The following DLG2 variants were observed in gnomAD, a reference collection of about 807,000 sequenced individuals.
DLG2 encodes the protein discs large MAGUK scaffold protein 2, also known as disks large homolog 2.
DLG2 carries 45 observed loss-of-function variants against 132.5 expected under a neutral mutation model. The ratio of observed to expected loss-of-function variants is 0.34; its 90% CI spans 0.27 to 0.44. The LOEUF is 0.44. DLG2 is among the 20% of genes least tolerant of loss of function. The pLI is 1.00. For missense variants in DLG2, 1,045 were observed against 1,196.9 expected, an observed-to-expected ratio of 0.87 and a Z score of 1.87; for synonymous variants, 424 against 419.6, an observed-to-expected ratio of 1.01 and a Z score of -0.13.
At chr11:84,481,532 G>C (rs965181800) in intron 7 of DLG2, among the ~76,000 whole-genome samples, 1 of 152,104 alleles carries the variant, frequency 6.6e-6, no homozygotes, top group Non-Finnish European at 1.5e-5. Flanking sequence ...AGGGCCATAC[G>C]TAGTATCACA....
chr11:84,812,598 A>G (rs567052203), intron 6 of DLG2, among the ~76,000 whole-genome samples: 4 of 152,286 alleles, frequency 2.6e-5, no homozygotes, highest in Admixed American at 2.0e-4. Context: ...ATAGCAACGT[A>G]GGAATCTTTA....
chr11:85,481,107 T>C (rs1249608884), intron 3 of DLG2, among the ~76,000 whole-genome samples: 2 of 152,338 alleles, frequency 1.3e-5, no homozygotes, highest in South Asian at 2.1e-4. Flanking sequence ...ACTTTCTTCA[T>C]ATGTAAAATC....
At chr11:84,634,930 A>C (rs2099638087) in intron 6 of DLG2, among the ~76,000 whole-genome samples, 1 of 152,174 alleles carries the variant, frequency 6.6e-6, no homozygotes, top group African/African-American at 2.4e-5. Context: ...CAAGGTCAAC[A>C]AGGAAATGGA....
intron 4 of DLG2, among the ~76,000 whole-genome samples, chr11:85,174,550 G>C (rs1214389453): frequency 1.3e-5 from 2 of 152,000 alleles, no homozygotes; most frequent in Admixed American, 6.6e-5. Context: ...ATCACAACTA[G>C]AAGATCTAGA....
chr11:84,182,836 G>C (rs937447766), intron 8 of DLG2, among the ~76,000 whole-genome samples: 54 of 151,788 alleles, frequency 3.6e-4, no homozygotes, highest in Admixed American at 2.2e-3. Context: ...CAGTAAAATT[G>C]ATAAGCCTCT....
upstream of DLG2, among the ~76,000 whole-genome samples, chr11:85,628,322 A>T (rs1022532811): frequency 6.6e-6 from 1 of 152,236 alleles, no homozygotes; most frequent in African/African-American, 2.4e-5. Context: ...TCTTTCCCGC[A>T]GGACGCGAAG....
rs367652546 is a variant in DLG2 at position 84,886,359 on chromosome 11, T to C, written c.357+225302A>G. Reference sequence around the variant, plus strand: ...GAAGAAACAACAAGATCATTTTCTTTACTGTTACTCATTGTCTACCAATCT... The same window carrying C: ...GAAGAAACAACAAGATCATTTTCTTCACTGTTACTCATTGTCTACCAATCT... On this transcript the variant is annotated intron_variant, in intron 6 of 27. Transcript: ENST00000376104. Among the ~76,000 whole-genome samples, 16 of 152,258 alleles carry C rather than the reference T, an allele frequency of 1.1e-4. No homozygotes were observed. The East Asian group carries it at 1.2e-3, about 11-fold the overall frequency.
chr11:84,163,159 AAAACACTAATAAT>A (rs1452207989), intron 9 of DLG2, among the ~76,000 whole-genome samples: 1 of 152,176 alleles, frequency 6.6e-6, no homozygotes, highest in Non-Finnish European at 1.5e-5. Context: ...ATGTATAGCC[AAAACACTAATAAT>A]AAAACCATTA....
intron 18 of DLG2, among the ~76,000 whole-genome samples, chr11:83,675,066 G>T (rs1347526348): frequency 6.6e-6 from 1 of 152,166 alleles, no homozygotes; most frequent in Non-Finnish European, 1.5e-5. Context: ...TGTAAAAGTG[G>T]AAAAACAATC....
At chr11:84,158,593 T>C (rs1056968175) in intron 9 of DLG2, among the ~76,000 whole-genome samples, 2 of 152,182 alleles carry the variant, frequency 1.3e-5, no homozygotes, top group African/African-American at 4.8e-5. Flanking sequence ...ATATGTAAAA[T>C]GGAGTTAGCA....
intron 6 of DLG2, among the ~76,000 whole-genome samples, chr11:84,718,423 TA>T (rs201378467): frequency 2.6e-4 from 38 of 148,532 alleles, no homozygotes; most frequent in Admixed American, 4.7e-4. Flanking sequence ...TCCTTAGCCT[TA>T]AAAAAAAAAG....
At chr11:83,608,571 T>C (rs1415387068) in intron 19 of DLG2, among the ~76,000 whole-genome samples, 6 of 152,202 alleles carry the variant, frequency 3.9e-5, no homozygotes, top group Non-Finnish European at 8.8e-5. Context: ...AAAAACAGAA[T>C]GGTTTTATGA....
chr11:85,101,044 TATGA>T (rs2070765893), intron 6 of DLG2, among the ~76,000 whole-genome samples: 1 of 152,180 alleles, frequency 6.6e-6, no homozygotes. Flanking sequence ...GACCAACATT[TATGA>T]ATGTCAGTCA....
In DLG2 at chr11:85,413,111, G is replaced by A. The variant is rs775625600; in HGVS notation, c.41-127746C>T. On this transcript the variant is annotated intron_variant, in intron 3 of 27. Transcript: ENST00000376104. ...TTTTTTATTGTGGCCATTCTTGCACGAGTAAGGTGGTATCGCATTGGACTT... is the reference window on the plus strand; with the variant it reads ...TTTTTTATTGTGGCCATTCTTGCACAAGTAAGGTGGTATCGCATTGGACTT... 2.6e-5 allele frequency among the ~76,000 whole-genome samples: 4 copies of A among 151,986 alleles called. No homozygotes were observed. In the South Asian group the frequency reaches 6.2e-4, roughly 24 times the overall value.
At chr11:84,469,686 GAATATA>G (rs758774665) in intron 7 of DLG2, among the ~76,000 whole-genome samples, 1 of 151,552 alleles carries the variant, frequency 6.6e-6, no homozygotes, top group Non-Finnish European at 1.5e-5. Flanking sequence ...TAGATAATAT[GAATATA>G]AAGAGGCATG....
At chr11:84,963,572 G>A (rs1157402472) in intron 6 of DLG2, among the ~76,000 whole-genome samples, 2 of 152,094 alleles carry the variant, frequency 1.3e-5, no homozygotes, top group Non-Finnish European at 2.9e-5. Flanking sequence ...TAGTGAAAGG[G>A]GAAATGTGAA....
chr11:85,016,016 A>C (rs538211347), intron 6 of DLG2, among the ~76,000 whole-genome samples: 11 of 152,160 alleles, frequency 7.2e-5, no homozygotes, highest in Non-Finnish European at 1.5e-4. Context: ...TTACAAATGA[A>C]GTAATTTTCA....
At chr11:84,883,847 C>T (rs1050411253) in intron 6 of DLG2, among the ~76,000 whole-genome samples, 3 of 152,030 alleles carry the variant, frequency 2.0e-5, no homozygotes, top group Non-Finnish European at 4.4e-5. Flanking sequence ...CTAACCTGAA[C>T]GCTGTGTGTC....
intron 18 of DLG2, among the ~76,000 whole-genome samples, chr11:83,636,421 G>T (rs912908608): frequency 6.6e-6 from 1 of 152,088 alleles, no homozygotes; most frequent in Non-Finnish European, 1.5e-5. Flanking sequence ...ATGGCTCCAG[G>T]TACTGAAATT....
Sources: gnomAD v4.1 joint callset for allele counts (sites outside exome capture counted in the v4.1 genomes callset) on GRCh38, gnomAD v4.1.1 for gene constraint, MANE v1.5 for transcripts, NCBI Gene and HGNC (gene_info 2026-07-23, HGNC 2026-07-21) for gene names.